The following GPR158 variants were observed in gnomAD, a reference collection of about 807,000 sequenced individuals.
The protein encoded by GPR158 is G protein-coupled receptor 158.
Under a neutral mutation model 78.2 loss-of-function variants are expected in GPR158, and 30 were observed. The ratio of observed to expected loss-of-function variants is 0.38; its 90% CI spans 0.29 to 0.52. The LOEUF (loss-of-function observed/expected upper bound fraction) is 0.52. Ranked by LOEUF, GPR158 falls within the 20% of genes least tolerant of loss-of-function variation. The pLI is 0.83. For missense variants in GPR158, 1,463 were observed against 1,523.5 expected, an observed-to-expected ratio of 0.96 and a Z score of 0.66; for synonymous variants, 581 against 591.1, an observed-to-expected ratio of 0.98 and a Z score of 0.25.
intron 2 of GPR158, among the ~76,000 whole-genome samples, chr10:25,256,692 AAAAATAAAAT>A (rs991851602): frequency 1.1e-4 from 16 of 152,214 alleles, no homozygotes; most frequent in African/African-American, 3.4e-4. Context: ...TCACAACAAT[AAAAATAAAAT>A]AAAATAAAAT....
intron 5 of GPR158, among the ~76,000 whole-genome samples, chr10:25,492,583 T>A (rs912568402): frequency 6.6e-6 from 1 of 152,094 alleles, no homozygotes; most frequent in Non-Finnish European, 1.5e-5. Flanking sequence ...TACTCTAAGC[T>A]CTTTATGCTC....
intron 2 of GPR158, among the ~76,000 whole-genome samples, chr10:25,365,005 G>C (rs148058752): frequency 0.011 from 1,724 of 151,750 alleles, 8 homozygotes; most frequent in Non-Finnish European, 0.016. Context: ...CATTTCAACT[G>C]TCTATGTAAA....
At position 25,268,026 on chromosome 10, in the gene GPR158, T is replaced by G. The variant is rs116139233; in HGVS notation, c.1008+46869T>G. 8.1e-3 allele frequency among the ~76,000 whole-genome samples: 1,228 copies of G among 152,208 alleles called. 18 individuals are homozygous for G. The highest frequency in any genetic ancestry group is 0.028 in the African/African-American group (1,174 of 41,538). ...AGTTAAAATTAATACATTTGAATTG[T>G]GAAAAGCACTGACCACACAAGTCTT... On this transcript the variant is annotated intron_variant, in intron 2 of 10. Transcript: ENST00000376351.
chr10:25,470,731 A>C (rs1164892159), intron 5 of GPR158, among the ~76,000 whole-genome samples: 1 of 152,146 alleles, frequency 6.6e-6, no homozygotes, highest in Non-Finnish European at 1.5e-5. Flanking sequence ...AATCTTTCCC[A>C]CAGAACCCTA....
intron 2 of GPR158, among the ~76,000 whole-genome samples, chr10:25,241,301 TTTCTTTTCTTTTCTC>T (rs1244009273): frequency 7.1e-5 from 9 of 125,972 alleles, no homozygotes; most frequent in Non-Finnish European, 1.4e-4. Flanking sequence ...TTTCTTTTCT[TTTCTTTTCTTTTCTC>T]TTCTCTTCTC....
Position 25,551,105 on chromosome 10 carries a change from C to T in GPR158, c.1514+20C>T, listed in dbSNP as rs780010293. The T allele has an allele frequency of 2.3e-5, 30 of 1,289,528 alleles. 1 individual carries two copies. In the Admixed American group the frequency reaches 4.0e-4, roughly 17 times the overall value. The allele number at this position is 1,289,528 out of a possible 1,614,324, so 79.9% of individuals were successfully genotyped here. ...TCACAGGTATATACATTTTATTCAT[C>T]GTCATTCTCATGGAAAGATCAAACT... On this transcript the variant is annotated intron_variant, in intron 6 of 10. Transcript: ENST00000376351.
intron 5 of GPR158, among the ~76,000 whole-genome samples, chr10:25,466,962 A>C (rs1835433001): frequency 6.6e-6 from 1 of 152,156 alleles, no homozygotes; most frequent in Non-Finnish European, 1.5e-5. Flanking sequence ...ATTTGAAGAG[A>C]TTTAATCTGA....
At chr10:25,537,233 C>CTA (rs1564483094) in intron 5 of GPR158, among the ~76,000 whole-genome samples, 1 of 152,168 alleles carries the variant, frequency 6.6e-6, no homozygotes, top group African/African-American at 2.4e-5. Context: ...TTCTATTGAA[C>CTA]TATCCATTTT....
In GPR158 at chr10:25,571,064, A is replaced by G. The variant is rs190586424; in HGVS notation, c.1515-1585A>G. Among the ~76,000 whole-genome samples, 686 of 152,344 alleles carry G rather than the reference A, an allele frequency of 4.5e-3. 4 individuals are homozygous for G. Among genetic ancestry groups the G allele is most frequent in the African/African-American group, 0.014 (597 of 41,572 alleles). On this transcript the variant is annotated intron_variant, in intron 6 of 10. Transcript: ENST00000376351. ...TAGTAATTAAACTGGTTGGAGCAGA[A>G]GTGATTAGGCATAGTGAAGATATTA...
intron 5 of GPR158, among the ~76,000 whole-genome samples, chr10:25,510,329 T>C (rs1836068657): frequency 6.6e-6 from 1 of 152,206 alleles, no homozygotes; most frequent in African/African-American, 2.4e-5. Context: ...GTATATACTA[T>C]ATAGCTAATA....
chr10:25,291,194 A>G lies in GPR158; in HGVS notation c.1008+70037A>G, dbSNP rs190722787. On this transcript the variant is annotated intron_variant, in intron 2 of 10. Coordinates refer to ENST00000376351, the MANE Select transcript of GPR158 (RefSeq NM_020752.3). ...ATAAAACAAAGTAACATTAATTAAA[A>G]CCAATAGGAAAAGAAAGAATTCAGG... Among the ~76,000 whole-genome samples, 356 of 152,180 alleles carry G rather than the reference A, an allele frequency of 2.3e-3. 3 individuals carry two copies. The highest frequency in any genetic ancestry group is 3.9e-3 in the Non-Finnish European group (268 of 67,914).
intron 2 of GPR158, among the ~76,000 whole-genome samples, chr10:25,352,395 T>C (rs1301404979): frequency 6.6e-6 from 1 of 152,072 alleles, no homozygotes; most frequent in Non-Finnish European, 1.5e-5. Flanking sequence ...AATAAATTTA[T>C]GCAAAATTCT....
intron 2 of GPR158, among the ~76,000 whole-genome samples, chr10:25,375,798 A>G (rs1006546042): frequency 2.0e-5 from 3 of 151,584 alleles, no homozygotes; most frequent in Non-Finnish European, 4.4e-5. Flanking sequence ...TAGCTTTGTA[A>G]TGAGTTATAA....
chr10:25,517,666 G>A (rs1489119124), intron 5 of GPR158, among the ~76,000 whole-genome samples: 16 of 151,880 alleles, frequency 1.1e-4, no homozygotes, highest in Non-Finnish European at 1.6e-4. Flanking sequence ...TTATATGCTG[G>A]ATTACATTTA....
At chr10:25,397,425 C>T (rs935349529) in intron 3 of GPR158, among the ~76,000 whole-genome samples, 9 of 152,260 alleles carry the variant, frequency 5.9e-5, no homozygotes, top group African/African-American at 2.2e-4. Context: ...GTACAGGTCT[C>T]TTTTAAATAG....
chr10:25,432,188 C>T (rs4749025), intron 4 of GPR158, among the ~76,000 whole-genome samples: 106,419 of 151,940 alleles, frequency 0.7, 38,267 homozygotes, highest in Non-Finnish European at 0.8. Context: ...AATAGAAAAA[C>T]GGGCTAAGAG....
intron 4 of GPR158, among the ~76,000 whole-genome samples, chr10:25,414,221 G>A (rs1210711386): frequency 6.6e-6 from 1 of 152,128 alleles, no homozygotes; most frequent in African/African-American, 2.4e-5. Context: ...GTTCTGACAA[G>A]ACCAGTGTCT....
intron 2 of GPR158, among the ~76,000 whole-genome samples, chr10:25,391,267 G>T (rs1834294167): frequency 6.6e-6 from 1 of 152,188 alleles, no homozygotes; most frequent in South Asian, 2.1e-4. Context: ...CTGCCTAGTG[G>T]AGCTGTGAGA....
At chr10:25,541,997 T>C (rs1383236976) in intron 5 of GPR158, among the ~76,000 whole-genome samples, 1 of 148,254 alleles carries the variant, frequency 6.7e-6, no homozygotes, top group Non-Finnish European at 1.5e-5. Context: ...TATTATAAAT[T>C]ATAAATTATA....
Sources: gnomAD v4.1 joint callset for allele counts (sites outside exome capture counted in the v4.1 genomes callset) on GRCh38, gnomAD v4.1.1 for gene constraint, MANE v1.5 for transcripts, NCBI Gene and HGNC (gene_info 2026-07-23, HGNC 2026-07-21) for gene names.